Variants in DENND5B observed in about 807,000 individuals in gnomAD.
DENND5B encodes the protein DENN domain containing 5B.
A neutral mutation model predicts 140.6 loss-of-function variants in DENND5B; 34 were observed. The observed-to-expected ratio is 0.24, with a 90% CI of 0.18 to 0.32. The LOEUF (loss-of-function observed/expected upper bound fraction) is 0.32. Ranked by LOEUF, DENND5B falls within the 10% of genes least tolerant of loss-of-function variation. The pLI is 1.00. For missense variants in DENND5B, 1,142 were observed against 1,560.2 expected (o/e 0.73, Z 4.52); for synonymous variants, 551 against 562.1 (o/e 0.98, Z 0.28).
chr12:31,558,754 A>G (rs748083178), intron 1 of DENND5B, among the ~76,000 whole-genome samples: 14 of 152,330 alleles, frequency 9.2e-5, no homozygotes, highest in East Asian at 7.7e-4. Context: ...ACATGAATCA[A>G]TCTCATGACT....
Position 31,495,888 on chromosome 12 carries a change from T to G in DENND5B, c.159A>C (p.Arg53Ser), listed in dbSNP as rs1273848850. 6.2e-7 allele frequency: 1 copy of G among 1,612,660 alleles called. No homozygotes were observed. The highest frequency in any genetic ancestry group is 8.5e-7 in the Non-Finnish European group (1 of 1,179,374). Residue 53 changes from arginine to serine, a missense_variant, in exon 2 of 21, where the codon AGA becomes AGC. This residue lies in a region of DENND5B where 708 missense variants were observed against 905.5 expected (regional missense o/e 0.78). Transcript: ENST00000389082. ...GENFDQSPLRRTFKSKVLAHY... is the reference protein window; with the variant it reads ...GENFDQSPLRSTFKSKVLAHY... ...GGGCGAGAACTTTGGATTTGAATGT[T>G]CTTCTCAAAGGACTCTGGTCAAAAT...
intron 1 of DENND5B, among the ~76,000 whole-genome samples, chr12:31,576,141 C>CAA (rs71445806): frequency 4.1e-5 from 1 of 24,598 alleles, no homozygotes; most frequent in African/African-American, 2.1e-4. Context: ...GCTCTGTCTC[C>CAA]AAAAAAAAAA....
intron 5 of DENND5B, among the ~76,000 whole-genome samples, chr12:31,449,730 A>AGTTTTTTTT (rs1944422367): frequency 4.1e-5 from 1 of 24,400 alleles, no homozygotes; most frequent in African/African-American, 7.2e-5. Context: ...TACACAGATT[A>AGTTTTTTTT]GTTTTTTTTT....
chr12:31,479,003 CCA>C (rs59317176), intron 3 of DENND5B, among the ~76,000 whole-genome samples: 11 of 150,574 alleles, frequency 7.3e-5, no homozygotes, highest in Non-Finnish European at 1.3e-4. Context: ...AAACAAAAAA[CCA>C]CACACACACA....
At chr12:31,439,929 C>CAAAAAAAAAAAA (rs67272470) in intron 7 of DENND5B, among the ~76,000 whole-genome samples, 6 of 52,302 alleles carry the variant, frequency 1.1e-4, no homozygotes, top group East Asian at 7.8e-4. Flanking sequence ...GACTCCGTCT[C>CAAAAAAAAAAAA]AAAAAAAAAA....
intron 1 of DENND5B, among the ~76,000 whole-genome samples, chr12:31,541,500 A>C (rs755352800): frequency 6.6e-6 from 1 of 152,236 alleles, no homozygotes; most frequent in Non-Finnish European, 1.5e-5. Flanking sequence ...ACAATGAGAT[A>C]TAATCTCATC....
At chr12:31,574,069 G>A (rs568723552) in intron 1 of DENND5B, among the ~76,000 whole-genome samples, 1 of 151,330 alleles carries the variant, frequency 6.6e-6, no homozygotes, top group Non-Finnish European at 1.5e-5. Context: ...AGACTAGCCT[G>A]GACAACACGG....
intron 1 of DENND5B, among the ~76,000 whole-genome samples, chr12:31,517,107 A>G (rs1299287239): frequency 2.0e-5 from 3 of 152,174 alleles, no homozygotes; most frequent in African/African-American, 7.2e-5. Flanking sequence ...GCTGGGGAAA[A>G]AAAAACAGAA....
chr12:31,399,156 GA>G (rs1292503122), intron 16 of DENND5B, among the ~76,000 whole-genome samples: 17 of 71,860 alleles, frequency 2.4e-4, no homozygotes, highest in Admixed American at 4.2e-4. Flanking sequence ...GAGAGAGAAA[GA>G]AAAAAAAAAG....
intron 7 of DENND5B, among the ~76,000 whole-genome samples, chr12:31,438,194 T>C (rs1192673459): frequency 1.3e-5 from 2 of 152,216 alleles, no homozygotes; most frequent in Admixed American, 6.5e-5. Context: ...AGGCTGGCCT[T>C]GAACTCCTGA....
intron 1 of DENND5B, among the ~76,000 whole-genome samples, chr12:31,537,943 G>A (rs1381826294): frequency 6.6e-6 from 1 of 152,136 alleles, no homozygotes; most frequent in East Asian, 1.9e-4. Flanking sequence ...TGTAACAATT[G>A]TAATTGTATA....
chr12:31,530,780 C>T (rs1317160153), intron 1 of DENND5B, among the ~76,000 whole-genome samples: 1 of 152,126 alleles, frequency 6.6e-6, no homozygotes, highest in Non-Finnish European at 1.5e-5. Context: ...AGTACATTTA[C>T]TTCTGAAAGC....
chr12:31,564,115 C>T (rs1949556164), intron 1 of DENND5B, among the ~76,000 whole-genome samples: 1 of 151,688 alleles, frequency 6.6e-6, no homozygotes, highest in Non-Finnish European at 1.5e-5. Context: ...AAGTCTCCAG[C>T]TCAAAAAAGA....
chr12:31,501,568 G>A (rs568697296), intron 1 of DENND5B, among the ~76,000 whole-genome samples: 1 of 152,280 alleles, frequency 6.6e-6, no homozygotes, highest in South Asian at 2.1e-4. Context: ...GAGGTCAGGA[G>A]TTTGAGACCA....
intron 4 of DENND5B, among the ~76,000 whole-genome samples, chr12:31,455,677 G>A (rs1393601191): frequency 6.6e-6 from 1 of 152,096 alleles, no homozygotes; most frequent in Non-Finnish European, 1.5e-5. Flanking sequence ...TATTTCTACT[G>A]ATCAACACTG....
intron 14 of DENND5B, 99 bp downstream of exon 14, chr12:31,409,164 T>C (rs1942302114): frequency 1.6e-6 from 2 of 1,248,864 alleles, no homozygotes; most frequent in African/African-American, 3.1e-5. Flanking sequence ...TATGTCACAA[T>C]GTCACATGTA....
Position 31,452,275 on chromosome 12 carries a change from T to G in DENND5B, c.1294A>C (p.Lys432Gln), listed in dbSNP as rs756838179. Reference protein sequence around the residue: ...NMVLKDLVNDKKNGNVCTNNI... With the variant: ...NMVLKDLVNDQKNGNVCTNNI... The stretch of plus-strand genomic sequence containing the variant: ...TTAGTACAGACATTGCCGTTCTTTT[T>G]GTCATTGACCAAGTCTTTCAGAACC... The change falls in exon 5 of 21, where the codon AAA becomes CAA. Residue 432 changes from lysine to glutamine, a missense_variant. By Grantham distance (53) the Lys-to-Gln change is moderately conservative (BLOSUM62 1). Around this residue, in one of 5 missense-constraint regions of DENND5B, gnomAD observed 708 missense variants for 905.5 expected, o/e 0.78. Coordinates refer to ENST00000389082, the MANE Select transcript of DENND5B (RefSeq NM_144973.4). The G allele has an allele frequency of 1.9e-6, 3 of 1,613,896 alleles. No homozygotes were observed. The highest frequency in any genetic ancestry group is 2.7e-5 in the African/African-American group (2 of 74,922).
intron 17 of DENND5B, among the ~76,000 whole-genome samples, chr12:31,393,338 T>C (rs751234636): frequency 3.3e-5 from 5 of 152,176 alleles, no homozygotes; most frequent in Non-Finnish European, 7.3e-5. Flanking sequence ...AGGTACCCTG[T>C]GGCATCTGGG....
chr12:31,457,682 T>G (rs1474026280), intron 4 of DENND5B, among the ~76,000 whole-genome samples: 1 of 152,132 alleles, frequency 6.6e-6, no homozygotes, highest in Non-Finnish European at 1.5e-5. Flanking sequence ...TGTCCTAATT[T>G]ATAGTTTCTA....
Sources: allele counts gnomAD v4.1 joint callset (sites outside exome capture counted in the v4.1 genomes callset), GRCh38; gene constraint gnomAD v4.1.1; regional missense constraint gnomAD v4.1.1; transcripts MANE v1.5; gene names NCBI Gene and HGNC (gene_info 2026-07-23, HGNC 2026-07-21).